Variants in IL1RAPL1 observed in about 807,000 individuals in gnomAD.
The protein encoded by IL1RAPL1 is interleukin-1 receptor accessory protein-like 1.
Under a neutral mutation model 48.4 loss-of-function variants are expected in IL1RAPL1, and 3 were observed. That is an observed-to-expected ratio of 0.06 (90% CI 0.03 to 0.16). IL1RAPL1 has a LOEUF of 0.16. Ranked by LOEUF, IL1RAPL1 falls within the 10% of genes least tolerant of loss-of-function variation. IL1RAPL1 has a pLI of 1.00. For synonymous variants in IL1RAPL1, 185 were observed against 187.7 expected, an observed-to-expected ratio of 0.99 and a Z score of 0.12; for missense variants, 349 against 530.6, an observed-to-expected ratio of 0.66 and a Z score of 3.36.
intron 1 of IL1RAPL1, among the ~76,000 whole-genome samples, chrX:28,602,046 A>G: frequency 9.4e-6 from 1 of 106,302 alleles, no homozygotes; most frequent in Non-Finnish European, 1.9e-5. Flanking sequence ...CGGAGGTTAC[A>G]GTGAGCCGAA....
chrX:28,698,771 G>A (rs1463532378), intron 1 of IL1RAPL1, among the ~76,000 whole-genome samples: 2 of 111,599 alleles, frequency 1.8e-5, no homozygotes, highest in African/African-American at 6.5e-5. Context: ...ACAAAAATAA[G>A]TTGAAGTTTT....
At chrX:29,022,815 A>G (rs1926400686) in intron 2 of IL1RAPL1, among the ~76,000 whole-genome samples, 1 of 111,312 alleles carries the variant, frequency 9.0e-6, no homozygotes. Context: ...GATCCAATAG[A>G]TTAACTTTAA....
At chrX:29,383,727 A>G (rs892121753) in intron 3 of IL1RAPL1, among the ~76,000 whole-genome samples, 1 of 111,997 alleles carries the variant, frequency 8.9e-6, no homozygotes, top group African/African-American at 3.2e-5. Context: ...AATTACATGG[A>G]CTTGAACTGA....
At chrX:29,829,884 T>G (rs775583394) in intron 6 of IL1RAPL1, among the ~76,000 whole-genome samples, 1 of 112,098 alleles carries the variant, frequency 8.9e-6, no homozygotes, top group African/African-American at 3.2e-5. Context: ...AAAAATTACA[T>G]TTCCTCAATA....
chrX:29,483,366 C>T (rs183098737), intron 5 of IL1RAPL1, among the ~76,000 whole-genome samples: 63 of 111,693 alleles, frequency 5.6e-4, no homozygotes, highest in African/African-American at 2.0e-3. Context: ...ATTTCACTCT[C>T]TATCCTGGGA....
At chrX:29,458,402 A>G (rs1396901184) in intron 5 of IL1RAPL1, among the ~76,000 whole-genome samples, 2 of 111,601 alleles carry the variant, frequency 1.8e-5, no homozygotes, top group Non-Finnish European at 3.8e-5. Context: ...AACATCCTGA[A>G]ATATGGACTA....
intron 2 of IL1RAPL1, among the ~76,000 whole-genome samples, chrX:29,050,783 A>G (rs1927076167): frequency 8.9e-6 from 1 of 112,377 alleles, no homozygotes; most frequent in Non-Finnish European, 1.9e-5. Context: ...TGCTTCTCAA[A>G]GAAGGTGTGC....
At chrX:29,801,352 C>A (rs1428981651) in intron 6 of IL1RAPL1, among the ~76,000 whole-genome samples, 1 of 111,403 alleles carries the variant, frequency 9.0e-6, no homozygotes, top group African/African-American at 3.3e-5. Flanking sequence ...ATTTTTAGGG[C>A]AGAACCAGCA....
intron 2 of IL1RAPL1, among the ~76,000 whole-genome samples, chrX:28,874,941 T>A (rs1458678440): frequency 1.8e-5 from 2 of 112,035 alleles, no homozygotes; most frequent in Admixed American, 1.9e-4. Context: ...TGGTATATAA[T>A]CAGAAGGAAC....
chrX:28,746,583 A>G (rs781474875), intron 1 of IL1RAPL1, among the ~76,000 whole-genome samples: 5 of 112,142 alleles, frequency 4.5e-5, no homozygotes, highest in Non-Finnish European at 9.4e-5. Context: ...ATAATCTGAT[A>G]TAATATGAAT....
intron 2 of IL1RAPL1, among the ~76,000 whole-genome samples, chrX:28,976,031 A>T (rs1925195784): frequency 8.9e-6 from 1 of 111,939 alleles, no homozygotes; most frequent in Non-Finnish European, 1.9e-5. Flanking sequence ...ATGGAGGAGA[A>T]AAAGAAGACA....
At chrX:29,341,927 C>G (rs1456981365) in intron 3 of IL1RAPL1, among the ~76,000 whole-genome samples, 1 of 110,447 alleles carries the variant, frequency 9.1e-6, no homozygotes, top group Admixed American at 9.7e-5. Context: ...CTACCTCAGC[C>G]TCCTGATTAG....
intron 2 of IL1RAPL1, among the ~76,000 whole-genome samples, chrX:29,033,431 G>A (rs1160635669): frequency 9.0e-6 from 1 of 111,522 alleles, no homozygotes; most frequent in East Asian, 2.8e-4. Context: ...AAGGGTGGTT[G>A]AAACATGTCT....
At chrX:29,334,619 G>A (rs1602178646) in intron 3 of IL1RAPL1, among the ~76,000 whole-genome samples, 2 of 111,654 alleles carry the variant, frequency 1.8e-5, no homozygotes, top group African/African-American at 6.5e-5. Context: ...GGGCAGAGAC[G>A]CTCCTCACCT....
At chrX:29,324,237 G>A (rs190765800) in intron 3 of IL1RAPL1, among the ~76,000 whole-genome samples, 51 of 111,128 alleles carry the variant, frequency 4.6e-4, no homozygotes, top group African/African-American at 1.7e-3. Context: ...CATCATAAGG[G>A]TCACAGTTGA....
intron 2 of IL1RAPL1, among the ~76,000 whole-genome samples, chrX:28,940,856 GATCA>G (rs1302543866): frequency 2.2e-4 from 24 of 110,100 alleles, no homozygotes; most frequent in African/African-American, 7.9e-4. Flanking sequence ...ATTATGACAT[GATCA>G]ATCAATGTAC....
chrX:29,580,515 T>A (rs949278750), intron 5 of IL1RAPL1, among the ~76,000 whole-genome samples: 1 of 111,876 alleles, frequency 8.9e-6, no homozygotes, highest in African/African-American at 3.2e-5. Context: ...TCCATATTAT[T>A]GCTGCATAAT....
intron 2 of IL1RAPL1, among the ~76,000 whole-genome samples, chrX:29,240,195 C>CACATAT (rs1555979978): frequency 3.7e-5 from 1 of 27,226 alleles, no homozygotes; most frequent in African/African-American, 2.1e-4. Context: ...CACACACACA[C>CACATAT]ATATATATAT....
chrX:28,667,698 A>G (rs1934897287), intron 1 of IL1RAPL1, among the ~76,000 whole-genome samples: 1 of 112,298 alleles, frequency 8.9e-6, no homozygotes, highest in East Asian at 2.8e-4. Flanking sequence ...TAAACAACAG[A>G]AACTTATTTC....
Sources: allele counts gnomAD v4.1 joint callset (sites outside exome capture counted in the v4.1 genomes callset), GRCh38; gene constraint gnomAD v4.1.1; transcripts MANE v1.5; gene names NCBI Gene and HGNC (gene_info 2026-07-23, HGNC 2026-07-21).